Variants in CYTIP observed in about 807,000 individuals in gnomAD.
The protein encoded by CYTIP is cytohesin 1 interacting protein, also known as cytohesin-interacting protein.
CYTIP carries 26 observed loss-of-function variants against 43.8 expected under a neutral mutation model. The observed-to-expected ratio is 0.59, with a 90% CI of 0.44 to 0.82. CYTIP has a LOEUF of 0.82. CYTIP is among the 40% of genes least tolerant of loss of function. CYTIP has a pLI of 0.00. For synonymous variants in CYTIP, 162 were observed against 162.9 expected (o/e 0.99, Z 0.04); for missense variants, 426 against 443.1 (o/e 0.96, Z 0.35).
rs542349292 is a variant in CYTIP, at chr2:157,429,010, GCCC to G, written c.476+1546_476+1548del. Among the ~76,000 whole-genome samples the G allele has an allele frequency of 1.1e-4, 16 of 152,310 alleles. No individual in the cohort carries two copies. In the East Asian group the frequency reaches 3.1e-3, roughly 29 times the overall value. On this transcript the variant is annotated intron_variant, in intron 5 of 7. Transcript: ENST00000264192. ...TTACCAGTTATGTGACCTTAACTAA[GCCC>G]CCTCTAAGCTTCAGGCACTTCATCT...
intron 5 of CYTIP, among the ~76,000 whole-genome samples, chr2:157,428,581 C>T (rs980247982): frequency 5.1e-4 from 78 of 152,336 alleles, no homozygotes; most frequent in African/African-American, 1.8e-3. Context: ...TACAGACTGT[C>T]TCCCATTTTC....
At chr2:157,438,358 A>G (rs1685847465) in intron 1 of CYTIP, among the ~76,000 whole-genome samples, 1 of 152,202 alleles carries the variant, frequency 6.6e-6, no homozygotes, top group South Asian at 2.1e-4. Flanking sequence ...AGAACAGAGG[A>G]TACTAGAGGC....
At chr2:157,435,964 A>G (rs187177500) in intron 1 of CYTIP, among the ~76,000 whole-genome samples, 1 of 152,328 alleles carries the variant, frequency 6.6e-6, no homozygotes, top group East Asian at 1.9e-4. Flanking sequence ...CAGGTACCAA[A>G]TGCCAGCATT....
At chr2:157,422,068 A>G (rs931327574) in intron 6 of CYTIP, among the ~76,000 whole-genome samples, 19 of 152,192 alleles carry the variant, frequency 1.2e-4, no homozygotes, top group African/African-American at 2.9e-4. Flanking sequence ...GCTGCTGGCT[A>G]TGGCTCATGT....
chr2:157,425,025 C>T (rs1212409427), intron 6 of CYTIP, among the ~76,000 whole-genome samples: 1 of 151,916 alleles, frequency 6.6e-6, no homozygotes, highest in Non-Finnish European at 1.5e-5. Context: ...CCCCATACCT[C>T]ATAATATATA....
At position 157,421,061 on chromosome 2, in the gene CYTIP, T is replaced by C. The variant is rs533800961; in HGVS notation, c.547-2472A>G. On this transcript the variant is annotated intron_variant, in intron 6 of 7. Transcript: ENST00000264192. ...GTCACTTAAACCAAGAAAATACCAG[T>C]GTAAAGAGCAGATGTGTCAAAGTGA... Among the ~76,000 whole-genome samples the C allele has an allele frequency of 2.6e-5, 4 of 152,304 alleles. No homozygotes were observed. In the South Asian group the frequency reaches 8.3e-4, roughly 32 times the overall value.
At chr2:157,426,931 C>T (rs553032795) in intron 6 of CYTIP, among the ~76,000 whole-genome samples, 15 of 152,194 alleles carry the variant, frequency 9.9e-5, no homozygotes, top group Non-Finnish European at 1.3e-4. Flanking sequence ...ATAAGGTTTT[C>T]GTTTTAAGGA....
At chr2:157,427,547 A>G (rs1040219697) in intron 5 of CYTIP, 127 bp from the exon 6 acceptor site, 4 of 547,400 alleles carry the variant, frequency 7.3e-6, no homozygotes, top group Non-Finnish European at 1.2e-5. Flanking sequence ...CGAAATACAA[A>G]TGTTACAGTT....
chr2:157,421,598 T>A (rs1017396450), intron 6 of CYTIP, among the ~76,000 whole-genome samples: 1 of 152,250 alleles, frequency 6.6e-6, no homozygotes, highest in East Asian at 1.9e-4. Context: ...GCCCATTGGA[T>A]GTGCTGTTTT....
At chr2:157,442,440 A>G (rs1457440532) in intron 1 of CYTIP, among the ~76,000 whole-genome samples, 1 of 146,932 alleles carries the variant, frequency 6.8e-6, no homozygotes, top group African/African-American at 2.6e-5. Flanking sequence ...GAAAGTTCCC[A>G]CCCTGATTGA....
intron 6 of CYTIP, among the ~76,000 whole-genome samples, chr2:157,421,042 T>G (rs1685514889): frequency 1.3e-5 from 2 of 152,238 alleles, no homozygotes; most frequent in African/African-American, 4.8e-5. Context: ...TGTCGTCACT[T>G]AAACCAAGAA....
Position 157,442,868 on chromosome 2 carries a change from G to A in CYTIP, c.174+979C>T, listed in dbSNP as rs116742737. ...ATGATTGTACATGCAAGACTTAAGC[G>A]CAAAAATTCTTGCTCTAGGGCAATT... On this transcript the variant is annotated intron_variant, in intron 1 of 7. Coordinates refer to ENST00000264192, the MANE Select transcript of CYTIP (RefSeq NM_004288.5). Among the ~76,000 whole-genome samples, 307 of 152,128 alleles carry A rather than the reference G, an allele frequency of 2.0e-3. 2 individuals are homozygous for A. Among genetic ancestry groups the A allele is most frequent in the African/African-American group, 6.8e-3 (282 of 41,504 alleles).
At chr2:157,424,259 T>C (rs1685567634) in intron 6 of CYTIP, among the ~76,000 whole-genome samples, 1 of 152,174 alleles carries the variant, frequency 6.6e-6, no homozygotes. Context: ...TAGCAAAGTG[T>C]TTGAATATAG....
intron 6 of CYTIP, among the ~76,000 whole-genome samples, chr2:157,420,919 A>G (rs1685512475): frequency 6.6e-6 from 1 of 152,246 alleles, no homozygotes; most frequent in Admixed American, 6.5e-5. Flanking sequence ...TTCTGCACTT[A>G]CTATCTAAAA....
At chr2:157,420,539 T>A (rs867091388) in intron 6 of CYTIP, among the ~76,000 whole-genome samples, 1 of 149,406 alleles carries the variant, frequency 6.7e-6, no homozygotes. Flanking sequence ...ATAATTTTTT[T>A]AAAAAAGAGG....
rs765646889 is a variant in CYTIP at position 157,430,894 on chromosome 2, C to T, written c.348G>A (p.Glu116=). The T allele has an allele frequency of 1.2e-6, 2 of 1,613,720 alleles. No individual in the cohort carries two copies. The highest frequency in any genetic ancestry group is 1.7e-6 in the Non-Finnish European group (2 of 1,179,952). ...EMFTLICKIQ[E]DSPAHCAGLQ... ...GGCCAGCACAGTGAGCTGGGCTGTCCTCCTGTATTTTGCATATCAAAGTGA... is the reference window on the plus strand; with the variant it reads ...GGCCAGCACAGTGAGCTGGGCTGTCTTCCTGTATTTTGCATATCAAAGTGA... Residue 116 remains glutamate, a synonymous_variant, in exon 4 of 8, where the codon GAG becomes GAA. Coordinates refer to ENST00000264192, the MANE Select transcript of CYTIP (RefSeq NM_004288.5).
At chr2:157,428,145 A>G (rs1685643249) in intron 5 of CYTIP, among the ~76,000 whole-genome samples, 1 of 152,222 alleles carries the variant, frequency 6.6e-6, no homozygotes, top group South Asian at 2.1e-4. Flanking sequence ...ATTCTGAGTG[A>G]TTTGATTTGT....
Position 157,415,852 on chromosome 2 carries a change from T to G in CYTIP, c.905A>C (p.Asn302Thr). 1 of 1,614,186 alleles carries G rather than the reference T, an allele frequency of 6.2e-7. No individual in the cohort carries two copies. The highest frequency in any genetic ancestry group is 8.5e-7 in the Non-Finnish European group (1 of 1,180,032). Residue 302 changes from asparagine to threonine, a missense_variant, in exon 8 of 8, where the codon AAC becomes ACC. Physicochemically the swap from Asn to Thr is moderately conservative, Grantham distance 65 (BLOSUM62 0). Coordinates refer to ENST00000264192, the MANE Select transcript of CYTIP (RefSeq NM_004288.5). ...GCTGCTGGTGTTACTGATGCTCCGG[T>G]TCCTCCTTGAAGATGACCTCCTCAG... Reference protein sequence around the residue: ...DFLRRSSSRRNRSISNTSSGS... With the variant: ...DFLRRSSSRRTRSISNTSSGS...
At chr2:157,427,525 C>T (rs981967959) in intron 5 of CYTIP, 105 bp from the exon 6 acceptor site, 1 of 744,124 alleles carries the variant, frequency 1.3e-6, no homozygotes, top group African/African-American at 1.8e-5. Flanking sequence ...TGAGCACATA[C>T]TATACTAAAA....
Sources: gnomAD v4.1 joint callset for allele counts (sites outside exome capture counted in the v4.1 genomes callset) on GRCh38, gnomAD v4.1.1 for gene constraint, MANE v1.5 for transcripts, NCBI Gene and HGNC (gene_info 2026-07-23, HGNC 2026-07-21) for gene names.